The following ASCC1 variants were observed in gnomAD, a reference collection of about 807,000 sequenced individuals.
ASCC1 encodes ASC-1 complex subunit P50.
Under a neutral mutation model 46.6 loss-of-function variants are expected in ASCC1, and 35 were observed. The ratio of observed to expected loss-of-function variants is 0.75; its 90% CI spans 0.57 to 0.99. The LOEUF is 0.99. ASCC1 is among the 50% of genes least tolerant of loss of function. ASCC1 has a pLI of 0.00. For synonymous variants in ASCC1, 143 were observed against 146.6 expected (o/e 0.98, Z 0.18); for missense variants, 376 against 428.7 (o/e 0.88, Z 1.09).
chr10:72,174,898 C>T (rs2132922692), intron 5 of ASCC1, among the ~76,000 whole-genome samples: 1 of 152,304 alleles, frequency 6.6e-6, no homozygotes, highest in African/African-American at 2.4e-5. Flanking sequence ...CCCACAAAAC[C>T]TAAATAATTA....
At chr10:72,108,251 A>AT (rs1194134915) in intron 9 of ASCC1, among the ~76,000 whole-genome samples, 1 of 151,218 alleles carries the variant, frequency 6.6e-6, no homozygotes, top group African/African-American at 2.4e-5. Context: ...TAATTTTTGC[A>AT]TTTTTTATAG....
intron 6 of ASCC1, among the ~76,000 whole-genome samples, chr10:72,154,486 G>A (rs967595901): frequency 6.0e-5 from 9 of 150,748 alleles, no homozygotes; most frequent in Non-Finnish European, 1.2e-4. Flanking sequence ...AATAATTTAT[G>A]CATAGGGTTT....
At position 72,189,973 on chromosome 10, in the gene ASCC1, GAGAA is replaced by G. The variant is rs112322760; in HGVS notation, c.489+6834_489+6837del. 22 of 754,448 alleles carry G rather than the reference GAGAA, an allele frequency of 2.9e-5. 2 individuals carry two copies. The highest frequency in any genetic ancestry group is 5.1e-5 in the African/African-American group (3 of 58,982). 46.7% of individuals were successfully genotyped at this position (754,448 alleles called of 1,614,324 possible). On this transcript the variant is annotated intron_variant, in intron 5 of 9. Transcript: ENST00000672957. ...CACACAAGTATATCCAGGAGCTACG[GAGAA>G]AGAAACAGTCTGATGTCATGTGCTT... is the stretch of plus-strand genomic sequence containing the variant.
chr10:72,171,304 C>T (rs1441217059), intron 5 of ASCC1, among the ~76,000 whole-genome samples: 1 of 152,324 alleles, frequency 6.6e-6, no homozygotes, highest in East Asian at 1.9e-4. Flanking sequence ...GGCTCCAGGG[C>T]AAATCACTTC....
chr10:72,154,749 C>T (rs751775359), intron 6 of ASCC1, among the ~76,000 whole-genome samples: 1 of 152,160 alleles, frequency 6.6e-6, no homozygotes, highest in Non-Finnish European at 1.5e-5. Flanking sequence ...GCCTTGGCCT[C>T]CCAAAGTGCT....
intron 5 of ASCC1, among the ~76,000 whole-genome samples, chr10:72,176,188 A>G (rs911764841): frequency 6.6e-6 from 1 of 152,060 alleles, no homozygotes; most frequent in African/African-American, 2.4e-5. Context: ...CACAAACCCT[A>G]TTCTTCTTTC....
intron 5 of ASCC1, among the ~76,000 whole-genome samples, chr10:72,190,955 C>A (rs1854357619): frequency 1.5e-5 from 2 of 133,212 alleles, no homozygotes; most frequent in Admixed American, 7.7e-5. Context: ...AAGATCGCGC[C>A]ATTGCACTCC....
At chr10:72,133,576 G>A in intron 7 of ASCC1, 1 of 291,978 alleles carries the variant, frequency 3.4e-6, no homozygotes, top group Non-Finnish European at 6.6e-6. Context: ...AGGCATGCAA[G>A]ATCACAGCAT....
chr10:72,176,487 G>T (rs1333915366), intron 5 of ASCC1, among the ~76,000 whole-genome samples: 1 of 151,934 alleles, frequency 6.6e-6, no homozygotes, highest in Admixed American at 6.6e-5. Flanking sequence ...GGGACCTCAG[G>T]TACACACCAC....
chr10:72,157,677 C>A (rs550781764), intron 6 of ASCC1, among the ~76,000 whole-genome samples: 3 of 152,296 alleles, frequency 2.0e-5, no homozygotes, highest in African/African-American at 7.2e-5. Flanking sequence ...GTTGGCTTCA[C>A]AACAACCTGA....
intron 5 of ASCC1, among the ~76,000 whole-genome samples, chr10:72,188,765 CTCATA>C (rs1853903312): frequency 6.6e-6 from 1 of 152,016 alleles, no homozygotes; most frequent in Non-Finnish European, 1.5e-5. Flanking sequence ...TTTATGTCAT[CTCATA>C]TATTTATTTT....
At chr10:72,178,793 G>A (rs567352382) in intron 5 of ASCC1, among the ~76,000 whole-genome samples, 1 of 152,186 alleles carries the variant, frequency 6.6e-6, no homozygotes, top group South Asian at 2.1e-4. Context: ...ATAAGGTAGG[G>A]TAAACTATAA....
intron 8 of ASCC1, among the ~76,000 whole-genome samples, chr10:72,128,995 C>T (rs1315221146): frequency 6.6e-6 from 1 of 152,200 alleles, no homozygotes; most frequent in Non-Finnish European, 1.5e-5. Context: ...TTCAAAAATA[C>T]TTATTTCCAC....
Position 72,096,887 on chromosome 10 carries a change from T to C in ASCC1, c.*447A>G. The C allele has an allele frequency of 2.2e-6, 1 of 454,044 alleles. No homozygotes were observed. The highest frequency in any genetic ancestry group is 1.6e-5 in the South Asian group (1 of 64,458). The allele number at this position is 454,044 out of a possible 1,614,324, so 28.1% of individuals were successfully genotyped here. A position where few individuals can be genotyped will look rare whatever the true frequency, so the allele number is the denominator to read the frequency against. On this transcript the variant is annotated 3_prime_UTR_variant, in exon 10 of 10. Coordinates refer to ENST00000672957, the MANE Select transcript of ASCC1 (RefSeq NM_001198800.3). ...AAAACCAGAGAGACAGAAAGCAGAA[T>C]GGTGGCTGCGGGGGCTGGGAGGAGT...
chr10:72,213,467 T>C (rs1858481640), intron 1 of ASCC1, 136 bp from the exon 2 acceptor site: 2 of 635,338 alleles, frequency 3.1e-6, no homozygotes, highest in Non-Finnish European at 5.8e-6. Flanking sequence ...CCATTTCCCA[T>C]TGGATTTCCC....
intron 9 of ASCC1, among the ~76,000 whole-genome samples, chr10:72,099,013 T>C (rs1258598927): frequency 6.6e-6 from 1 of 152,240 alleles, no homozygotes; most frequent in Non-Finnish European, 1.5e-5. Context: ...TGAAGCCTTC[T>C]AGGTACAGAA....
intron 7 of ASCC1, chr10:72,134,444 A>G (rs568595357): frequency 6.6e-6 from 1 of 152,432 alleles, no homozygotes; most frequent in African/African-American, 2.4e-5. Context: ...TTAAAAAAAG[A>G]AAAACAACAA....
rs1261132628 is a variant in ASCC1 at position 72,111,705 on chromosome 10, G to A, written c.958-14255C>T. Among the ~76,000 whole-genome samples the A allele has an allele frequency of 3.3e-5, 5 of 151,888 alleles. 1 individual carries two copies. Among genetic ancestry groups the A allele is most frequent in the South Asian group, 4.2e-4 (2 of 4,816 alleles). ...AGCCCAGGCTGGAGTGCAATGGTGC[G>A]ATCTTGGCTCACTGCAAGCTCCACC... On this transcript the variant is annotated intron_variant, in intron 9 of 9. Coordinates refer to ENST00000672957, the MANE Select transcript of ASCC1 (RefSeq NM_001198800.3).
rs1419153700 is a variant in ASCC1, at chr10:72,210,810, T to C, written c.134A>G (p.Glu45Gly). ...CTCCACCTCGTAGGCATCACAGGGC[T>C]CATCAGCACACTCCATGGAGCCTGC... ...FYQGSMECADEPCDAYEVEQT... is the reference protein window; with the variant it reads ...FYQGSMECADGPCDAYEVEQT... The change falls in exon 3 of 10, where the codon GAG (glutamate) becomes GGG (glycine). Residue 45 changes from glutamate to glycine, a missense_variant. Physicochemically the swap from Glu to Gly is moderately conservative, Grantham distance 98. Transcript: ENST00000672957. The C allele has an allele frequency of 3.1e-6, 5 of 1,613,988 alleles. No individual in the cohort carries two copies. The highest frequency in any genetic ancestry group is 4.2e-6 in the Non-Finnish European group (5 of 1,179,982).
Sources: allele counts gnomAD v4.1 joint callset (sites outside exome capture counted in the v4.1 genomes callset), GRCh38; gene constraint gnomAD v4.1.1; transcripts MANE v1.5; gene names NCBI Gene and HGNC (gene_info 2026-07-23, HGNC 2026-07-21).